Variants in DTNB observed in about 807,000 individuals in gnomAD.
The protein encoded by DTNB is DTN-B.
A neutral mutation model predicts 90.7 loss-of-function variants in DTNB; 63 were observed. That is an observed-to-expected ratio of 0.69 (90% CI 0.57 to 0.86). DTNB has a LOEUF of 0.86. DTNB is among the 40% of genes least tolerant of loss of function. The probability of loss-of-function intolerance (pLI) is 0.00; values close to 1 mark genes in which losing one functional copy is unlikely to be tolerated. For missense variants in DTNB, 744 were observed against 807.1 expected, an observed-to-expected ratio of 0.92 and a Z score of 0.95; for synonymous variants, 277 against 286.7, an observed-to-expected ratio of 0.97 and a Z score of 0.34.
chr2:25,516,693 C>T (rs1318063760), intron 9 of DTNB, among the ~76,000 whole-genome samples: 1 of 151,630 alleles, frequency 6.6e-6, no homozygotes, highest in East Asian at 1.9e-4. Flanking sequence ...AGTTCGAGAC[C>T]AGCCTGGCCA....
Position 25,383,822 on chromosome 2 carries a change from T to C in DTNB, c.1879+14A>G, listed in dbSNP as rs754702944. On this transcript the variant is annotated intron_variant, in intron 19 of 20. Coordinates refer to ENST00000406818, the MANE Select transcript of DTNB (RefSeq NM_021907.5). The stretch of plus-strand genomic sequence containing the variant: ...TCCCCATTTAAACGAGCAGTCCTGC[T>C]GAGCTGCCTTTACCTCTGTCTTTCC... 21 of 1,613,528 alleles carry C rather than the reference T, an allele frequency of 1.3e-5. No homozygotes were observed. Among genetic ancestry groups the C allele is most frequent in the Non-Finnish European group, 1.8e-5 (21 of 1,179,402 alleles).
chr2:25,600,506 C>A (rs1202910514), intron 5 of DTNB, among the ~76,000 whole-genome samples: 1 of 152,222 alleles, frequency 6.6e-6, no homozygotes, highest in Non-Finnish European at 1.5e-5. Context: ...CAACTTTGAA[C>A]TTCTCAGCGT....
At chr2:25,636,283 A>G (rs2077107549) in intron 3 of DTNB, among the ~76,000 whole-genome samples, 1 of 152,244 alleles carries the variant, frequency 6.6e-6, no homozygotes, top group Non-Finnish European at 1.5e-5. Context: ...ACAACTGAAC[A>G]TACATATGGA....
Position 25,639,051 on chromosome 2 carries a change from T to C in DTNB, c.111A>G (p.Thr37=), listed in dbSNP as rs2077673348. The change falls in exon 3 of 21, where the codon ACA becomes ACG. Residue 37 remains threonine, a synonymous_variant. Coordinates refer to ENST00000406818, the MANE Select transcript of DTNB (RefSeq NM_021907.5). Reference sequence around the variant, plus strand: ...TTTGTACAAATCGTAATTTGCAGGCTGTTCTGTAAGTTGATAGTCGTATGA... The same window carrying C: ...TTTGTACAAATCGTAATTTGCAGGCCGTTCTGTAAGTTGATAGTCGTATGA... ...FDVIRLSTYR[T]ACKLRFVQKR... The C allele has an allele frequency of 6.3e-7, 1 of 1,594,578 alleles. No individual in the cohort carries two copies.
At chr2:25,527,242 G>A (rs2077346524) in intron 9 of DTNB, among the ~76,000 whole-genome samples, 1 of 152,194 alleles carries the variant, frequency 6.6e-6, no homozygotes, top group African/African-American at 2.4e-5. Flanking sequence ...TAGAAAAGGA[G>A]TCTGGGCACG....
chr2:25,498,114 G>A (rs2069436423), intron 9 of DTNB, among the ~76,000 whole-genome samples: 1 of 151,978 alleles, frequency 6.6e-6, no homozygotes, highest in Non-Finnish European at 1.5e-5. Flanking sequence ...TTCCTACACT[G>A]TTCAAACACA....
intron 8 of DTNB, among the ~76,000 whole-genome samples, chr2:25,575,803 A>G (rs1224991041): frequency 6.6e-6 from 1 of 152,194 alleles, no homozygotes; most frequent in African/African-American, 2.4e-5. Flanking sequence ...ACCAACCAAC[A>G]AACAAAAACT....
intron 12 of DTNB, among the ~76,000 whole-genome samples, chr2:25,443,681 C>T (rs1290967813): frequency 6.6e-6 from 1 of 152,208 alleles, no homozygotes; most frequent in Non-Finnish European, 1.5e-5. Flanking sequence ...ATCCAATCTG[C>T]TGTTGAAGGC....
At chr2:25,395,846 A>C (rs1425944383) in intron 16 of DTNB, among the ~76,000 whole-genome samples, 1 of 152,166 alleles carries the variant, frequency 6.6e-6, no homozygotes, top group African/African-American at 2.4e-5. Flanking sequence ...AATTAATCCT[A>C]CTGAATCTTA....
rs2061459699 is a variant in DTNB, at chr2:25,580,818, T to C, written c.612A>G (p.Ile204Met). 6.2e-7 allele frequency: 1 copy of C among 1,611,934 alleles called. No homozygotes were observed. Residue 204 changes from isoleucine (I) to methionine (M), a missense_variant, in exon 7 of 21, where the codon ATA becomes ATG. Coordinates refer to ENST00000406818, the MANE Select transcript of DTNB (RefSeq NM_021907.5). Reference protein sequence around the residue: ...VRTCFPQQRKIMLNMFLDTMM... With the variant: ...VRTCFPQQRKMMLNMFLDTMM... ...TTGTGTCTAAAAACATATTTAGCAT[T>C]ATCTTTCTCTGTAAAGAGAAGAAAA...
At chr2:25,669,946 G>A (rs1158051664) in intron 1 of DTNB, among the ~76,000 whole-genome samples, 1 of 151,140 alleles carries the variant, frequency 6.6e-6, no homozygotes, top group East Asian at 1.9e-4. Flanking sequence ...CTAAGCAGTT[G>A]AAAATAAATG....
At chr2:25,549,201 C>T (rs768302697) in intron 8 of DTNB, among the ~76,000 whole-genome samples, 3 of 151,592 alleles carry the variant, frequency 2.0e-5, no homozygotes, top group Non-Finnish European at 4.4e-5. Flanking sequence ...ATTTTGATTA[C>T]TGATATATAT....
intron 10 of DTNB, among the ~76,000 whole-genome samples, chr2:25,467,707 T>TA (rs558856395): frequency 5.4e-4 from 82 of 151,466 alleles, no homozygotes; most frequent in African/African-American, 1.3e-3. Flanking sequence ...GTCTAAGTAA[T>TA]AAAAAAAAAT....
chr2:25,591,548 A>C (rs1251402149), intron 6 of DTNB, among the ~76,000 whole-genome samples: 1 of 152,250 alleles, frequency 6.6e-6, no homozygotes, highest in Non-Finnish European at 1.5e-5. Flanking sequence ...AAATACATTT[A>C]CTACTTATTT....
chr2:25,590,806 C>T (rs1199774939), intron 6 of DTNB, among the ~76,000 whole-genome samples: 9 of 152,234 alleles, frequency 5.9e-5, no homozygotes, highest in Admixed American at 5.9e-4. Flanking sequence ...AGCCCGACCC[C>T]CAGGCTTCAG....
intron 5 of DTNB, chr2:25,598,687 T>A (rs1394468397): frequency 6.6e-6 from 1 of 151,982 alleles, no homozygotes; most frequent in African/African-American, 2.4e-5. Context: ...AGCTAGGCCT[T>A]GAAAGAGAGG....
intron 3 of DTNB, among the ~76,000 whole-genome samples, chr2:25,628,918 C>T (rs1467867208): frequency 2.0e-5 from 3 of 152,202 alleles, no homozygotes; most frequent in African/African-American, 7.2e-5. Context: ...AATTTATCTA[C>T]TGCATATTTC....
intron 8 of DTNB, among the ~76,000 whole-genome samples, chr2:25,573,857 G>A (rs950766275): frequency 2.6e-5 from 4 of 152,032 alleles, no homozygotes; most frequent in African/African-American, 9.7e-5. Flanking sequence ...GTGACTTAAC[G>A]CAAAGTTCTT....
chr2:25,437,965 A>G (rs950181439), intron 12 of DTNB, among the ~76,000 whole-genome samples: 2 of 152,218 alleles, frequency 1.3e-5, no homozygotes, highest in African/African-American at 4.8e-5. Context: ...AGGGTAAGGA[A>G]ACAGTGAACC....
Sources: gnomAD v4.1 joint callset for allele counts (sites outside exome capture counted in the v4.1 genomes callset) on GRCh38, gnomAD v4.1.1 for gene constraint, MANE v1.5 for transcripts, NCBI Gene and HGNC (gene_info 2026-07-23, HGNC 2026-07-21) for gene names.